RAB5C: variants seen among roughly 807,000 people sequenced by gnomAD.
RAB5C encodes RAB5C, member RAS oncogene family.
In RAB5C, 4 loss-of-function variants were observed where a neutral mutation model predicts 25.2. That is an observed-to-expected ratio of 0.16 (90% confidence interval 0.08 to 0.36). The LOEUF is 0.36. Ranked by LOEUF, RAB5C falls within the 10% of genes least tolerant of loss-of-function variation. The pLI is 1.00. For synonymous variants in RAB5C, 100 were observed against 106.4 expected (o/e 0.94, Z 0.37); for missense variants, 199 against 283.8 (o/e 0.70, Z 2.15).
At chr17:42,136,207 T>G (rs2054534994) in intron 1 of RAB5C, 1 of 152,200 alleles carries the variant, frequency 6.6e-6, no homozygotes. Context: ...AAAAGCCAAC[T>G]GGAGTCAAGG....
chr17:42,154,382 GAAGT>G (rs1219204621), intron 1 of RAB5C, among the ~76,000 whole-genome samples: 1 of 152,206 alleles, frequency 6.6e-6, no homozygotes. Context: ...GGAAAGAGAG[GAAGT>G]AAGGAGTTGC....
intron 1 of RAB5C, among the ~76,000 whole-genome samples, chr17:42,134,577 C>A (rs2054517668): frequency 6.6e-6 from 1 of 151,818 alleles, no homozygotes; most frequent in African/African-American, 2.4e-5. Flanking sequence ...GACTCTGTCT[C>A]AAAAAAAAGT....
Position 42,131,553 on chromosome 17 carries a change from C to A in RAB5C, c.-88-963G>T. The A allele has an allele frequency of 2.0e-6, 3 of 1,485,530 alleles. No homozygotes were observed. In the South Asian group the frequency reaches 3.6e-5, roughly 18 times the overall value. 92.0% of individuals were successfully genotyped at this position (1,485,530 alleles called of 1,614,324 possible). A position where few individuals can be genotyped will look rare whatever the true frequency, so the allele number is the denominator to read the frequency against. ...CACACACAGAAACACACACCAAAGT[C>A]ATAGCTCTGCCACAGTCAGCACAGC... On this transcript the variant is annotated intron_variant, in intron 1 of 5. Coordinates refer to ENST00000346213, the MANE Select transcript of RAB5C (RefSeq NM_004583.4).
At position 42,125,735 on chromosome 17, in the gene RAB5C, G is replaced by A. The variant is rs376870214; in HGVS notation, c.*48C>T. On this transcript the variant is annotated 3_prime_UTR_variant, in exon 6 of 6. Transcript: ENST00000346213. ...CGATTGGTTAGAGTGGATTCCAGTCGGGTCATTCAGGCGGAGGAGGCGGGG... is the reference window on the plus strand; with the variant it reads ...CGATTGGTTAGAGTGGATTCCAGTCAGGTCATTCAGGCGGAGGAGGCGGGG... 8.1e-6 allele frequency: 11 copies of A among 1,360,892 alleles called. No individual in the cohort carries two copies. The highest frequency in any genetic ancestry group is 2.9e-5 in the African/African-American group (2 of 69,788). The allele number at this position is 1,360,892 out of a possible 1,614,324, so 84.3% of individuals were successfully genotyped here.
intron 4 of RAB5C, among the ~76,000 whole-genome samples, chr17:42,127,908 C>T (rs1282229097): frequency 2.0e-5 from 3 of 150,232 alleles, no homozygotes; most frequent in South Asian, 2.2e-4. Flanking sequence ...CAATCTTAAA[C>T]TCCTGGGCTC....
chr17:42,145,944 T>C (rs989689773), intron 1 of RAB5C, among the ~76,000 whole-genome samples: 6 of 152,120 alleles, frequency 3.9e-5, no homozygotes, highest in African/African-American at 1.4e-4. Context: ...GTAGCTGAGA[T>C]TACAGGTGCG....
rs1404361535 is a variant in RAB5C, at chr17:42,125,089, C to G, written c.*694G>C. ...AGTTGGTTCCGTCCCCTCCCACTCC[C>G]CCCCTTACCCACCCACCCCCAAATA... On this transcript the variant is annotated 3_prime_UTR_variant, in exon 6 of 6. Transcript: ENST00000346213. 12 of 152,478 alleles carry G rather than the reference C, an allele frequency of 7.9e-5. No individual in the cohort carries two copies. The highest frequency in any genetic ancestry group is 2.9e-4 in the African/African-American group (12 of 41,396). The allele number at this position is 152,478 out of a possible 1,614,324, so 9.4% of individuals were successfully genotyped here. A position where few individuals can be genotyped will look rare whatever the true frequency, so the allele number is the denominator to read the frequency against.
intron 1 of RAB5C, among the ~76,000 whole-genome samples, chr17:42,136,884 C>T (rs1478609559): frequency 6.6e-6 from 1 of 152,192 alleles, no homozygotes; most frequent in African/African-American, 2.4e-5. Context: ...AAGAAAAACC[C>T]CAGAATATTA....
At chr17:42,134,932 C>T (rs557793710) in intron 1 of RAB5C, among the ~76,000 whole-genome samples, 7 of 151,760 alleles carry the variant, frequency 4.6e-5, no homozygotes, top group East Asian at 1.9e-4. Context: ...GTTCCCTCTG[C>T]TCTGGACACT....
intron 1 of RAB5C, among the ~76,000 whole-genome samples, chr17:42,152,112 C>T (rs1200337713): frequency 1.3e-5 from 2 of 151,344 alleles, no homozygotes; most frequent in African/African-American, 2.4e-5. Context: ...GGACACTTGC[C>T]TTATCTTACT....
intron 4 of RAB5C, 28 bp from the exon 5 acceptor site, chr17:42,126,876 G>A (rs2054431623): frequency 3.3e-6 from 5 of 1,520,252 alleles, no homozygotes; most frequent in Non-Finnish European, 4.6e-6. Context: ...GAGAGGAGGT[G>A]AGAGGGAAAT....
At chr17:42,147,076 G>A (rs571820179) in intron 1 of RAB5C, among the ~76,000 whole-genome samples, 110 of 139,900 alleles carry the variant, frequency 7.9e-4, no homozygotes, top group African/African-American at 2.8e-3. Flanking sequence ...GAAAGAAAAA[G>A]AAAGAAAGAA....
At chr17:42,153,080 T>C (rs1237379100) in intron 1 of RAB5C, among the ~76,000 whole-genome samples, 1 of 152,200 alleles carries the variant, frequency 6.6e-6, no homozygotes, top group Non-Finnish European at 1.5e-5. Context: ...GATCCAGCTG[T>C]TGACCCTAAT....
intron 1 of RAB5C, among the ~76,000 whole-genome samples, chr17:42,144,539 C>T (rs937701674): frequency 3.9e-5 from 6 of 151,980 alleles, no homozygotes; most frequent in African/African-American, 1.2e-4. Context: ...TTCAGCTGGG[C>T]GCGGTGGCTC....
intron 3 of RAB5C, 94 bp downstream of exon 3, chr17:42,128,554 AG>A: frequency 1.5e-6 from 1 of 673,290 alleles, no homozygotes. Flanking sequence ...CCAGGAACAG[AG>A]GGTTAAGCGG....
chr17:42,153,444 A>T (rs2079685058), intron 1 of RAB5C, among the ~76,000 whole-genome samples: 1 of 152,036 alleles, frequency 6.6e-6, no homozygotes, highest in African/African-American at 2.4e-5. Flanking sequence ...AAAGTGAAGA[A>T]AGTACATCCT....
In RAB5C at chr17:42,126,804, C is replaced by T; in HGVS notation, c.486G>A (p.Glu162=). Residue 162 remains glutamate, a synonymous_variant, in exon 5 of 6, where the codon GAG becomes GAA. Coordinates refer to ENST00000346213, the MANE Select transcript of RAB5C (RefSeq NM_004583.4). ...YADDNSLLFM[E]TSAKTAMNVN... is the part of the protein sequence containing the mutation. Reference sequence around the variant, plus strand: ...CGTTCATTGCAGTCTTTGCTGATGTCTCCATGAACAGCAAACTGTTGTCGT... The same window carrying T: ...CGTTCATTGCAGTCTTTGCTGATGTTTCCATGAACAGCAAACTGTTGTCGT... 1 of 1,613,512 alleles carries T rather than the reference C, an allele frequency of 6.2e-7. No individual in the cohort carries two copies.
intron 1 of RAB5C, among the ~76,000 whole-genome samples, chr17:42,135,602 C>T (rs757660578): frequency 7.2e-5 from 11 of 152,242 alleles, no homozygotes; most frequent in African/African-American, 1.9e-4. Flanking sequence ...GTGCACAACT[C>T]GTAAGTGTGC....
At chr17:42,151,900 G>C (rs573613256) in intron 1 of RAB5C, among the ~76,000 whole-genome samples, 50 of 152,242 alleles carry the variant, frequency 3.3e-4, no homozygotes, top group Non-Finnish European at 6.3e-4. Context: ...GAGGGCTAAA[G>C]AGTTAAGAGT....
Sources: allele counts gnomAD v4.1 joint callset (sites outside exome capture counted in the v4.1 genomes callset), GRCh38; gene constraint gnomAD v4.1.1; transcripts MANE v1.5; gene names NCBI Gene and HGNC (gene_info 2026-07-23, HGNC 2026-07-21).